Variants in AKAP7 observed in about 807,000 individuals in gnomAD.
The protein encoded by AKAP7 is A kinase (PRKA) anchor protein 7.
Under a neutral mutation model 39.5 loss-of-function variants are expected in AKAP7, and 39 were observed. That is an observed-to-expected ratio of 0.99 (90% CI 0.76 to 1.29). The LOEUF (loss-of-function observed/expected upper bound fraction) is 1.29, where lower values mean the gene tolerates loss of function less well. Ranked by LOEUF, AKAP7 falls within the 50% of genes most tolerant of loss-of-function variation. The pLI is 0.00. For missense variants in AKAP7, 414 were observed against 407.7 expected (o/e 1.02, Z -0.13); for synonymous variants, 140 against 139.1 (o/e 1.01, Z -0.05).
intron 7 of AKAP7, among the ~76,000 whole-genome samples, chr6:131,264,979 C>T (rs1813661542): frequency 6.6e-6 from 1 of 152,130 alleles, no homozygotes; most frequent in Admixed American, 6.6e-5. Flanking sequence ...GAGATCTGCC[C>T]CATGATCCAA....
intron 6 of AKAP7, among the ~76,000 whole-genome samples, chr6:131,206,531 A>G (rs1003626901): frequency 7.2e-5 from 11 of 152,088 alleles, no homozygotes; most frequent in Admixed American, 5.9e-4. Context: ...GGAAAAGGAG[A>G]GCATATGGTT....
rs781291824 is a variant in AKAP7, at chr6:131,282,421, A to G, written c.*695A>G. ...TAGGCAAGAAACCTATTGGAATTCGAGACTTAATTAATGAAGCTTTGCATC... is the reference window on the plus strand; with the variant it reads ...TAGGCAAGAAACCTATTGGAATTCGGGACTTAATTAATGAAGCTTTGCATC... On this transcript the variant is annotated 3_prime_UTR_variant, in exon 8 of 8. Coordinates refer to ENST00000431975, the MANE Select transcript of AKAP7 (RefSeq NM_016377.4). 1 of 1,512,554 alleles carries G rather than the reference A, an allele frequency of 6.6e-7. No homozygotes were observed. The highest frequency in any genetic ancestry group is 1.3e-5 in the South Asian group (1 of 78,916). The allele number at this position is 1,512,554 out of a possible 1,614,324, so 93.7% of individuals were successfully genotyped here.
chr6:131,184,927 C>T, intron 5 of AKAP7: 1 of 843,238 alleles, frequency 1.2e-6, no homozygotes, highest in Non-Finnish European at 2.1e-6. Flanking sequence ...GGCACTGCCA[C>T]ACCTTTACCC....
At chr6:131,157,642 A>G (rs1802540880) in intron 2 of AKAP7, among the ~76,000 whole-genome samples, 2 of 152,202 alleles carry the variant, frequency 1.3e-5, no homozygotes, top group Admixed American at 6.5e-5. Context: ...ATAAAACCCA[A>G]TGGCATCATG....
chr6:131,223,567 T>G (rs1378472456), intron 7 of AKAP7, among the ~76,000 whole-genome samples: 3 of 152,188 alleles, frequency 2.0e-5, no homozygotes, highest in Admixed American at 6.5e-5. Context: ...AAGAGAGCTG[T>G]CTTCCATCCA....
At chr6:131,263,709 G>A (rs1585204286) in intron 7 of AKAP7, among the ~76,000 whole-genome samples, 1 of 152,178 alleles carries the variant, frequency 6.6e-6, no homozygotes, top group Admixed American at 6.5e-5. Context: ...AATGTGAGAG[G>A]AGCAGTTACC....
chr6:131,225,961 C>G (rs1369634982), intron 7 of AKAP7, among the ~76,000 whole-genome samples: 1 of 152,108 alleles, frequency 6.6e-6, no homozygotes, highest in Non-Finnish European at 1.5e-5. Context: ...TTGTATAATT[C>G]AAATTACTTG....
intron 5 of AKAP7, among the ~76,000 whole-genome samples, chr6:131,191,959 A>G (rs1008124776): frequency 2.7e-5 from 4 of 149,470 alleles, no homozygotes; most frequent in African/African-American, 9.9e-5. Context: ...ATCTTTTTGT[A>G]GAGACGGGGT....
At chr6:131,209,412 G>A (rs1179509437) in intron 6 of AKAP7, among the ~76,000 whole-genome samples, 3 of 151,906 alleles carry the variant, frequency 2.0e-5, no homozygotes, top group Non-Finnish European at 4.4e-5. Context: ...CACCATGCCC[G>A]GCTAATTTTT....
chr6:131,135,516 GGCTGCCGCCGCCGCTGCTGCC>G lies in AKAP7; in HGVS notation c.-239_-219del, dbSNP rs1488483639. 4 of 162,076 alleles carry G rather than the reference GGCTGCCGCCGCCGCTGCTGCC, an allele frequency of 2.5e-5. No homozygotes were observed. Among genetic ancestry groups the G allele is most frequent in the Non-Finnish European group, 3.9e-5 (3 of 77,636 alleles). The allele number at this position is 162,076 out of a possible 1,614,324, so 10.0% of individuals were successfully genotyped here. A position where few individuals can be genotyped will look rare whatever the true frequency, so the allele number is the denominator to read the frequency against. On this transcript the variant is annotated 5_prime_UTR_variant, in exon 1 of 8. Transcript: ENST00000431975. ...GGCATGCGGGTGCTGCGGCTGCTGCGGCTGCCGCCGCCGCTGCTGCCGCTGCCGCGGGGGCTGCGGCTTGGG... is the reference window on the plus strand; with the variant it reads ...GGCATGCGGGTGCTGCGGCTGCTGCGGCTGCCGCGGGGGCTGCGGCTTGGG...
At chr6:131,206,494 G>T (rs779248086) in intron 6 of AKAP7, among the ~76,000 whole-genome samples, 11 of 152,122 alleles carry the variant, frequency 7.2e-5, no homozygotes, top group Admixed American at 1.3e-4. Flanking sequence ...GTGGAGAAGA[G>T]GATATAGGAC....
At chr6:131,271,442 C>G (rs985473053) in intron 7 of AKAP7, among the ~76,000 whole-genome samples, 3 of 152,096 alleles carry the variant, frequency 2.0e-5, no homozygotes, top group African/African-American at 7.2e-5. Flanking sequence ...CACACTGTCT[C>G]TCTTTCTGTA....
intron 7 of AKAP7, among the ~76,000 whole-genome samples, chr6:131,267,797 G>A (rs1813938200): frequency 6.6e-6 from 1 of 152,188 alleles, no homozygotes; most frequent in African/African-American, 2.4e-5. Flanking sequence ...ATTCACTGCT[G>A]TCTACTTTGT....
chr6:131,135,217 C>G (rs953604009), upstream of AKAP7, among the ~76,000 whole-genome samples: 2 of 152,354 alleles, frequency 1.3e-5, no homozygotes, highest in Middle Eastern at 6.8e-3. Context: ...TCATCCTAGT[C>G]CCAATCTCGC....
intron 5 of AKAP7, among the ~76,000 whole-genome samples, chr6:131,179,284 C>T (rs907226411): frequency 6.6e-6 from 1 of 152,152 alleles, no homozygotes; most frequent in Non-Finnish European, 1.5e-5. Context: ...AGTGATTCTC[C>T]TGTCTCAGCC....
At chr6:131,251,777 C>G (rs1002824735) in intron 7 of AKAP7, among the ~76,000 whole-genome samples, 40 of 152,348 alleles carry the variant, frequency 2.6e-4, no homozygotes, top group African/African-American at 9.1e-4. Context: ...CCTGCTCTTA[C>G]AACTTGAGAT....
intron 1 of AKAP7, among the ~76,000 whole-genome samples, chr6:131,141,780 A>G (rs1361083323): frequency 6.6e-6 from 1 of 152,094 alleles, no homozygotes; most frequent in African/African-American, 2.4e-5. Context: ...TAACGTCTCT[A>G]TGTTATGCCC....
intron 7 of AKAP7, among the ~76,000 whole-genome samples, chr6:131,245,976 A>G (rs1193181343): frequency 6.6e-6 from 1 of 151,992 alleles, no homozygotes; most frequent in African/African-American, 2.4e-5. Flanking sequence ...AAGATTGGGA[A>G]TTTGTACAGT....
At chr6:131,180,620 T>G (rs1047783070) in intron 5 of AKAP7, among the ~76,000 whole-genome samples, 1 of 152,174 alleles carries the variant, frequency 6.6e-6, no homozygotes, top group Admixed American at 6.5e-5. Context: ...GTTGCCTGCA[T>G]TATCTGTCTT....
Sources: allele counts gnomAD v4.1 joint callset (sites outside exome capture counted in the v4.1 genomes callset), GRCh38; gene constraint gnomAD v4.1.1; transcripts MANE v1.5; gene names NCBI Gene and HGNC (gene_info 2026-07-23, HGNC 2026-07-21).